Variants in RYR2 observed in about 807,000 individuals in gnomAD.
RYR2 encodes the protein ryanodine receptor 2, also known as cardiac muscle ryanodine receptor-calcium release channel.
RYR2 carries 227 observed loss-of-function variants against 601.1 expected under a neutral mutation model. The observed-to-expected ratio is 0.38, with a 90% CI of 0.34 to 0.42. RYR2 has a LOEUF of 0.42. Ranked by LOEUF, RYR2 falls within the 10% of genes least tolerant of loss-of-function variation. The pLI is 1.00. For synonymous variants in RYR2, 2,223 were observed against 2,175.1 expected (o/e 1.02, Z -0.61); for missense variants, 4,646 against 6,156.5 (o/e 0.75, Z 8.21).
At chr1:237,232,728 G>A (rs1685131122) in intron 1 of RYR2, among the ~76,000 whole-genome samples, 2 of 152,050 alleles carry the variant, frequency 1.3e-5, no homozygotes, top group Non-Finnish European at 2.9e-5. Flanking sequence ...CTTAACCGGG[G>A]AATCTGAGGC....
intron 24 of RYR2, among the ~76,000 whole-genome samples, chr1:237,519,822 A>G (rs565688210): frequency 1.3e-5 from 2 of 152,256 alleles, no homozygotes; most frequent in East Asian, 1.9e-4. Flanking sequence ...GAAAAATGAC[A>G]TTGGCATTTT....
chr1:237,575,068 C>G (rs1673089741), intron 29 of RYR2, among the ~76,000 whole-genome samples: 2 of 152,200 alleles, frequency 1.3e-5, no homozygotes, highest in Admixed American at 1.3e-4. Context: ...CCACCCATGA[C>G]ACCAGTCTGT....
At chr1:237,576,021 G>T (rs914582917) in intron 29 of RYR2, among the ~76,000 whole-genome samples, 1 of 152,052 alleles carries the variant, frequency 6.6e-6, no homozygotes, top group Non-Finnish European at 1.5e-5. Flanking sequence ...GCAGTAGCTA[G>T]GTATCTCTCT....
intron 10 of RYR2, among the ~76,000 whole-genome samples, chr1:237,393,471 T>C (rs1276729362): frequency 6.6e-6 from 1 of 152,214 alleles, no homozygotes; most frequent in Non-Finnish European, 1.5e-5. Context: ...ATGCATAGTT[T>C]ATATCTGTGT....
intron 1 of RYR2, among the ~76,000 whole-genome samples, chr1:237,046,401 T>C (rs973765046): frequency 6.6e-6 from 1 of 152,210 alleles, no homozygotes; most frequent in African/African-American, 2.4e-5. Context: ...AAGTCAGTTT[T>C]CTCAGCTGTA....
At position 237,700,422 on chromosome 1, in the gene RYR2, T is replaced by C. The variant is rs1188234282; in HGVS notation, c.9322T>C (p.Leu3108=). 2 of 1,606,404 alleles carry C rather than the reference T, an allele frequency of 1.2e-6. No individual in the cohort carries two copies. Among genetic ancestry groups the C allele is most frequent in the East Asian group, 2.2e-5 (1 of 44,814 alleles). ...GGCCCTGCTGCCAATGCTGTCTTCATTATTTGAACATATTGGCCAGCATCA... is the reference window on the plus strand; with the variant it reads ...GGCCCTGCTGCCAATGCTGTCTTCACTATTTGAACATATTGGCCAGCATCA... The part of the protein sequence containing the change: ...TVALLPMLSS[L]FEHIGQHQFG... The change falls in exon 65 of 105, where the codon TTA becomes CTA. Residue 3108 remains leucine (L), a synonymous_variant. Transcript: ENST00000366574.
At chr1:237,226,290 TA>T (rs1684360315) in intron 1 of RYR2, among the ~76,000 whole-genome samples, 5 of 152,204 alleles carry the variant, frequency 3.3e-5, no homozygotes, top group Admixed American at 3.3e-4. Context: ...TGCTGGAATT[TA>T]AAAATGCATT....
intron 1 of RYR2, among the ~76,000 whole-genome samples, chr1:237,124,543 G>T (rs895995755): frequency 6.6e-6 from 1 of 152,214 alleles, no homozygotes; most frequent in Non-Finnish European, 1.5e-5. Flanking sequence ...TTCTAGGAGA[G>T]AATCCGTTTT....
intron 33 of RYR2, among the ~76,000 whole-genome samples, chr1:237,594,885 G>GGTTTTTTTTGTTTTGTTTTT (rs773047111): frequency 1.3e-5 from 1 of 79,048 alleles, no homozygotes; most frequent in Non-Finnish European, 2.1e-5. Flanking sequence ...AATATCACTG[G>GGTTTTTTTTGTTTTGTTTTT]GTTTTTTTTT....
intron 58 of RYR2, among the ~76,000 whole-genome samples, chr1:237,672,316 G>A (rs566356455): frequency 6.6e-6 from 1 of 152,220 alleles, no homozygotes; most frequent in African/African-American, 2.4e-5. Flanking sequence ...GTAACTTATT[G>A]GTATGCGGCC....
In RYR2 at chr1:237,081,280, T is replaced by TTAAAA. The variant is rs1553284184; in HGVS notation, c.48+38711_48+38712insTAAAA. The stretch of plus-strand genomic sequence containing the variant: ...ATGTACCCTAAAACTTAGAGTATAA[T>TTAAAA]AAAAAAAAAAAAAAAAAAAAAAAGA... On this transcript the variant is annotated intron_variant, in intron 1 of 104. Coordinates refer to ENST00000366574, the MANE Select transcript of RYR2 (RefSeq NM_001035.3). 2.1e-3 allele frequency among the ~76,000 whole-genome samples: 114 copies of TTAAAA among 55,482 alleles called. 1 individual carries two copies. The highest frequency in any genetic ancestry group is 3.8e-3 in the Non-Finnish European group (84 of 22,256). 36.4% of individuals were successfully genotyped at this position (55,482 alleles called of 152,430 possible). A position where few individuals can be genotyped will look rare whatever the true frequency, so the allele number is the denominator to read the frequency against.
chr1:237,560,691 A>T (rs1478053724), intron 27 of RYR2, among the ~76,000 whole-genome samples: 1 of 152,192 alleles, frequency 6.6e-6, no homozygotes, highest in African/African-American at 2.4e-5. Context: ...GCTATGAAAA[A>T]TTTCATTTGC....
chr1:237,491,953 G>T (rs1229282158), intron 18 of RYR2, 29 bp downstream of exon 18: 2 of 920,404 alleles, frequency 2.2e-6, no homozygotes, highest in South Asian at 1.5e-5. Flanking sequence ...TTCCCTGAAT[G>T]AATTCTCAAA....
chr1:237,813,211 G>C (rs1219463600), intron 100 of RYR2, among the ~76,000 whole-genome samples: 2 of 152,124 alleles, frequency 1.3e-5, no homozygotes, highest in African/African-American at 4.8e-5. Context: ...AGCAGTAGCA[G>C]GTACATTGCC....
Position 237,042,548 on chromosome 1 carries a change from C to G in RYR2, c.27C>G (p.Asp9Glu). 7.9e-7 allele frequency: 1 copy of G among 1,260,918 alleles called. No homozygotes were observed. The highest frequency in any genetic ancestry group is 1.0e-6 in the Non-Finnish European group (1 of 995,194). The allele number at this position is 1,260,918 out of a possible 1,614,324, so 78.1% of individuals were successfully genotyped here. Residue 9 changes from aspartate (D) to glutamate (E), a missense_variant, in exon 1 of 105, where the codon GAC becomes GAG. Coordinates refer to ENST00000366574, the MANE Select transcript of RYR2 (RefSeq NM_001035.3). MADGGEGE[D>E]EIQFLRTDDE... is the part of the protein sequence containing the mutation. Reference sequence around the variant, plus strand: ...TGGCCGATGGGGGCGAGGGCGAAGACGAGATCCAGTTCCTGCGAACTGTAA... The same window carrying G: ...TGGCCGATGGGGGCGAGGGCGAAGAGGAGATCCAGTTCCTGCGAACTGTAA...
At chr1:237,700,490 G>GTTTT in intron 65 of RYR2, 23 bp downstream of exon 65, 6 of 976,026 alleles carry the variant, frequency 6.1e-6, no homozygotes, top group Non-Finnish European at 9.0e-6. Flanking sequence ...ATATCTTGGA[G>GTTTT]TTTTTTTTTT....
intron 27 of RYR2, among the ~76,000 whole-genome samples, chr1:237,563,106 T>A (rs1471379265): frequency 6.6e-6 from 1 of 152,102 alleles, no homozygotes; most frequent in African/African-American, 2.4e-5. Context: ...CTAAACTAAC[T>A]TAATAAATAT....
chr1:237,616,895 G>A (rs111486507), intron 37 of RYR2, among the ~76,000 whole-genome samples: 5,033 of 152,230 alleles, frequency 0.033, 107 homozygotes, highest in Non-Finnish European at 0.054. Context: ...ATGTGCAGGG[G>A]AACTTCCATT....
intron 1 of RYR2, among the ~76,000 whole-genome samples, chr1:237,208,769 T>C (rs1558427161): frequency 1.3e-5 from 2 of 151,622 alleles, no homozygotes; most frequent in African/African-American, 2.4e-5. Flanking sequence ...CAATACAGTG[T>C]TATTAACTAC....
Sources: allele counts gnomAD v4.1 joint callset (sites outside exome capture counted in the v4.1 genomes callset), GRCh38; gene constraint gnomAD v4.1.1; transcripts MANE v1.5; gene names NCBI Gene and HGNC (gene_info 2026-07-23, HGNC 2026-07-21).